IL20RB: variants seen among roughly 807,000 people sequenced by gnomAD.
The protein encoded by IL20RB is interleukin 20 receptor subunit beta.
Under a neutral mutation model 33.3 loss-of-function variants are expected in IL20RB, and 21 were observed. The ratio of observed to expected loss-of-function variants is 0.63; its 90% confidence interval spans 0.45 to 0.91. IL20RB has a LOEUF of 0.91. IL20RB is among the 40% of genes least tolerant of loss of function. IL20RB has a pLI of 0.00. For missense variants in IL20RB, 345 were observed against 384.8 expected (o/e 0.90, Z 0.86); for synonymous variants, 147 against 146.8 (o/e 1.00, Z -0.01).
At chr3:136,999,123 G>T (rs989955905) in intron 6 of IL20RB, among the ~76,000 whole-genome samples, 6 of 151,834 alleles carry the variant, frequency 4.0e-5, no homozygotes, top group Non-Finnish European at 7.4e-5. Context: ...TAGAGACAGG[G>T]TCTCACTCTG....
intron 4 of IL20RB, among the ~76,000 whole-genome samples, chr3:136,991,382 GC>G (rs1266250287): frequency 6.6e-6 from 1 of 152,152 alleles, no homozygotes. Flanking sequence ...CCCCATGAGA[GC>G]AAGGACTTTG....
At chr3:137,002,285 T>C (rs1438429401) in intron 6 of IL20RB, among the ~76,000 whole-genome samples, 1 of 152,242 alleles carries the variant, frequency 6.6e-6, no homozygotes, top group African/African-American at 2.4e-5. Flanking sequence ...TTTGGGTATC[T>C]ACCAGGTAAT....
intron 1 of IL20RB, among the ~76,000 whole-genome samples, chr3:136,977,980 C>T (rs1240936444): frequency 6.6e-6 from 1 of 152,044 alleles, no homozygotes; most frequent in Non-Finnish European, 1.5e-5. Context: ...CTAGAACTTT[C>T]AGTAGTATGT....
chr3:136,986,680 A>G (rs1203464291), intron 3 of IL20RB: 5 of 456,624 alleles, frequency 1.1e-5, no homozygotes, highest in Admixed American at 9.4e-5. Context: ...TTGTTCTCTG[A>G]AAACTCCCTG....
intron 6 of IL20RB, among the ~76,000 whole-genome samples, chr3:136,996,806 A>G (rs1005153484): frequency 6.6e-6 from 1 of 152,126 alleles, no homozygotes; most frequent in African/African-American, 2.4e-5. Context: ...TCTCTGAATC[A>G]CGAATGGCTT....
chr3:136,978,553 T>A (rs1008115645), intron 1 of IL20RB, among the ~76,000 whole-genome samples: 10 of 152,206 alleles, frequency 6.6e-5, no homozygotes, highest in African/African-American at 1.9e-4. Flanking sequence ...TTTTATTCTT[T>A]AGTTTATCGA....
chr3:136,964,056 G>A (rs1046439941), intron 1 of IL20RB, among the ~76,000 whole-genome samples: 22 of 58,718 alleles, frequency 3.7e-4, no homozygotes, highest in Non-Finnish European at 5.6e-4. Context: ...GTATTCCATG[G>A]TGTATATTTG....
At chr3:136,973,324 A>C (rs1941534936) in intron 1 of IL20RB, among the ~76,000 whole-genome samples, 1 of 150,772 alleles carries the variant, frequency 6.6e-6, no homozygotes, top group African/African-American at 2.4e-5. Flanking sequence ...TACTAAAAAT[A>C]CAAAAAAAAA....
intron 1 of IL20RB, among the ~76,000 whole-genome samples, chr3:136,963,681 T>A (rs188503082): frequency 3.6e-5 from 4 of 111,930 alleles, no homozygotes; most frequent in African/African-American, 1.4e-4. Flanking sequence ...CTAGTTCTTT[T>A]TTTTTTTTTT....
At chr3:136,992,899 G>A (rs1389848993) in intron 5 of IL20RB, among the ~76,000 whole-genome samples, 8 of 152,180 alleles carry the variant, frequency 5.3e-5, no homozygotes, top group African/African-American at 1.9e-4. Flanking sequence ...TCATTGCCAT[G>A]TGTAGGCACA....
chr3:137,009,738 GT>G lies in IL20RB; in HGVS notation c.826-373del, dbSNP rs56785249. Among the ~76,000 whole-genome samples the G allele has an allele frequency of 3.4e-3, 517 of 152,182 alleles. 1 individual carries two copies. The highest frequency in any genetic ancestry group is 0.012 in the African/African-American group (492 of 41,528). On this transcript the variant is annotated intron_variant, in intron 6 of 6. Transcript: ENST00000329582. ...TTTTGTGGAGAGGGAGCCTTGCTAT[GT>G]TGCCCAGGCTGGTCTCTAAGTCCTG...
chr3:137,010,556 GTCTC>G lies in IL20RB; in HGVS notation c.*339_*342del, dbSNP rs897419348. ...CACCTGCTAAACACACACACACAGAGTCTCTCTCTATATATACACACGTACACAT... is the reference window on the plus strand; with the variant it reads ...CACCTGCTAAACACACACACACAGAGTCTCTATATATACACACGTACACAT... On this transcript the variant is annotated 3_prime_UTR_variant, in exon 7 of 7. Coordinates refer to ENST00000329582, the MANE Select transcript of IL20RB (RefSeq NM_144717.4). 40 of 235,068 alleles carry G rather than the reference GTCTC, an allele frequency of 1.7e-4. No individual in the cohort carries two copies. The highest frequency in any genetic ancestry group is 7.1e-4 in the African/African-American group (32 of 44,944). 14.6% of individuals were successfully genotyped at this position (235,068 alleles called of 1,614,324 possible). A position where few individuals can be genotyped will look rare whatever the true frequency, so the allele number is the denominator to read the frequency against.
At chr3:136,970,611 TTTCCTTCCTTCCTTCC>T (rs71134422) in intron 1 of IL20RB, among the ~76,000 whole-genome samples, 10,189 of 142,100 alleles carry the variant, frequency 0.072, 394 homozygotes, top group Non-Finnish European at 0.083. Context: ...GTTATTCTAG[TTTCCTTCCTTCCTTCC>T]TTCCTTCCTT....
intron 4 of IL20RB, among the ~76,000 whole-genome samples, chr3:136,990,236 G>T (rs548015720): frequency 6.6e-6 from 1 of 152,028 alleles, no homozygotes; most frequent in South Asian, 2.1e-4. Context: ...CTCTGTCCAA[G>T]CATATGATGA....
intron 5 of IL20RB, among the ~76,000 whole-genome samples, chr3:136,992,898 T>C (rs1402909981): frequency 6.6e-6 from 1 of 152,154 alleles, no homozygotes; most frequent in African/African-American, 2.4e-5. Flanking sequence ...GTCATTGCCA[T>C]GTGTAGGCAC....
At chr3:136,982,410 T>A in intron 3 of IL20RB, 60 bp downstream of exon 3, 1 of 1,245,794 alleles carries the variant, frequency 8.0e-7, no homozygotes, top group Non-Finnish European at 1.1e-6. Flanking sequence ...GGAACCATGT[T>A]CACCTAAACT....
chr3:136,974,095 G>A (rs1440597435), intron 1 of IL20RB, among the ~76,000 whole-genome samples: 1 of 151,712 alleles, frequency 6.6e-6, no homozygotes, highest in East Asian at 1.9e-4. Context: ...CTGTCATATT[G>A]TTAATTTTTT....
Position 136,982,301 on chromosome 3 carries a change from A to G in IL20RB, c.357A>G (p.Ser119=), listed in dbSNP as rs1178693800. ...YNLRVRATLG[S]QTSAWSILKH... ...TTCGTGTCAGGGCCACATTGGGCTC[A>G]CAGACCTCAGCCTGGAGCATCCTGA... Residue 119 remains serine (S), a synonymous_variant, in exon 3 of 7, where the codon TCA becomes TCG. Coordinates refer to ENST00000329582, the MANE Select transcript of IL20RB (RefSeq NM_144717.4). The G allele has an allele frequency of 6.2e-7, 1 of 1,609,784 alleles. No individual in the cohort carries two copies. Among genetic ancestry groups the G allele is most frequent in the South Asian group, 1.1e-5 (1 of 90,888 alleles).
At chr3:136,963,940 G>A (rs1394667289) in intron 1 of IL20RB, among the ~76,000 whole-genome samples, 7 of 62,178 alleles carry the variant, frequency 1.1e-4, no homozygotes, top group African/African-American at 4.0e-4. Context: ...GAGAATATGC[G>A]GTGTTTGGTT....
Sources: gnomAD v4.1 joint callset for allele counts (sites outside exome capture counted in the v4.1 genomes callset) on GRCh38, gnomAD v4.1.1 for gene constraint, MANE v1.5 for transcripts, NCBI Gene and HGNC (gene_info 2026-07-23, HGNC 2026-07-21) for gene names.